Variants in PDE4D observed in about 807,000 individuals in gnomAD.
PDE4D encodes phosphodiesterase 4D.
PDE4D carries 24 observed loss-of-function variants against 87.4 expected under a neutral mutation model. The ratio of observed to expected loss-of-function variants is 0.27; its 90% CI spans 0.20 to 0.39. The LOEUF (loss-of-function observed/expected upper bound fraction) is 0.39. PDE4D is among the 10% of genes least tolerant of loss of function. The pLI is 1.00. For missense variants in PDE4D, 714 were observed against 1,041.0 expected (o/e 0.69, Z 4.32); for synonymous variants, 384 against 383.2 (o/e 1.00, Z -0.02).
At chr5:59,967,362 C>T (rs1023974908) in intron 3 of PDE4D, among the ~76,000 whole-genome samples, 9 of 152,124 alleles carry the variant, frequency 5.9e-5, no homozygotes, top group African/African-American at 1.7e-4. Flanking sequence ...GCAAACTATG[C>T]ATATGACAAT....
chr5:59,680,402 G>T (rs1748810968), intron 1 of PDE4D, among the ~76,000 whole-genome samples: 1 of 151,988 alleles, frequency 6.6e-6, no homozygotes, highest in African/African-American at 2.4e-5. Flanking sequence ...AGTCTTAAAT[G>T]GTGCTAGAGA....
At chr5:60,432,962 A>G (rs942956919) in intron 1 of PDE4D, among the ~76,000 whole-genome samples, 1 of 152,226 alleles carries the variant, frequency 6.6e-6, no homozygotes, top group African/African-American at 2.4e-5. Context: ...TGTAAAATGT[A>G]AAATTATAAA....
intron 1 of PDE4D, among the ~76,000 whole-genome samples, chr5:60,294,233 T>C (rs970232996): frequency 3.3e-5 from 5 of 152,234 alleles, no homozygotes; most frequent in African/African-American, 7.2e-5. Context: ...TATTTACTTT[T>C]GTAAAGTGTC....
intron 1 of PDE4D, among the ~76,000 whole-genome samples, chr5:60,264,362 A>G (rs1167951328): frequency 1.3e-5 from 2 of 152,240 alleles, no homozygotes; most frequent in African/African-American, 4.8e-5. Flanking sequence ...TTTGACTGCA[A>G]TACAAACAGA....
intron 2 of PDE4D, among the ~76,000 whole-genome samples, chr5:60,041,458 T>G (rs1241580236): frequency 6.6e-6 from 1 of 152,212 alleles, no homozygotes; most frequent in African/African-American, 2.4e-5. Flanking sequence ...TAATATGGTA[T>G]ACAGTTCTAA....
At chr5:59,406,005 C>A (rs1487753481) in intron 1 of PDE4D, among the ~76,000 whole-genome samples, 2 of 152,056 alleles carry the variant, frequency 1.3e-5, no homozygotes, top group East Asian at 3.9e-4. Flanking sequence ...TTGCAATGTG[C>A]CTTTGGTCTG....
intron 1 of PDE4D, among the ~76,000 whole-genome samples, chr5:59,469,342 C>T (rs959934371): frequency 3.8e-4 from 57 of 151,872 alleles, no homozygotes; most frequent in African/African-American, 1.4e-3. Flanking sequence ...AACAAACAAA[C>T]AAACAAACAA....
intron 1 of PDE4D, among the ~76,000 whole-genome samples, chr5:59,396,816 G>C (rs1368250703): frequency 1.7e-5 from 2 of 117,228 alleles, no homozygotes; most frequent in East Asian, 5.5e-4. Context: ...ACACCCATCA[G>C]TGTGCTGTAT....
intron 1 of PDE4D, among the ~76,000 whole-genome samples, chr5:59,559,617 T>C (rs1036300819): frequency 1.3e-5 from 2 of 152,086 alleles, no homozygotes; most frequent in Non-Finnish European, 2.9e-5. Flanking sequence ...ACCTATAACC[T>C]CAAAAGTCAG....
At chr5:59,259,049 T>C (rs937377443) in intron 1 of PDE4D, among the ~76,000 whole-genome samples, 1 of 151,906 alleles carries the variant, frequency 6.6e-6, no homozygotes, top group Non-Finnish European at 1.5e-5. Flanking sequence ...TGTCATATCA[T>C]ACACCATTTT....
chr5:59,757,935 C>T (rs1580921870), intron 1 of PDE4D, among the ~76,000 whole-genome samples: 1 of 152,296 alleles, frequency 6.6e-6, no homozygotes, highest in Middle Eastern at 3.4e-3. Context: ...ATACAAGCCA[C>T]ATGTGTAAAC....
intron 1 of PDE4D, among the ~76,000 whole-genome samples, chr5:59,253,597 TTTAACTC>T (rs1402828867): frequency 6.6e-6 from 1 of 152,176 alleles, no homozygotes; most frequent in African/African-American, 2.4e-5. Flanking sequence ...CAAAGGGACT[TTTAACTC>T]TAAGTAAAGT....
At chr5:59,249,717 T>C (rs1561809365) in intron 1 of PDE4D, among the ~76,000 whole-genome samples, 2 of 152,194 alleles carry the variant, frequency 1.3e-5, no homozygotes, top group Admixed American at 1.3e-4. Flanking sequence ...TAATTGCTAT[T>C]AGTATCATAC....
chr5:60,020,752 C>A (rs975317542), intron 2 of PDE4D, among the ~76,000 whole-genome samples: 1 of 152,140 alleles, frequency 6.6e-6, no homozygotes, highest in Non-Finnish European at 1.5e-5. Flanking sequence ...GAAGAATCAC[C>A]AAGCCAATAC....
intron 1 of PDE4D, among the ~76,000 whole-genome samples, chr5:59,891,175 A>G (rs1750901238): frequency 6.6e-6 from 1 of 152,254 alleles, no homozygotes; most frequent in Admixed American, 6.5e-5. Context: ...CAAATAGAAC[A>G]ATTAATCAAT....
At chr5:59,977,376 C>T (rs369214116) in intron 3 of PDE4D, among the ~76,000 whole-genome samples, 8 of 152,296 alleles carry the variant, frequency 5.3e-5, no homozygotes, top group African/African-American at 1.9e-4. Flanking sequence ...AAAGCCTAAT[C>T]CCAAACAAGG....
intron 1 of PDE4D, among the ~76,000 whole-genome samples, chr5:59,386,691 AAGGG>A (rs142788943): frequency 0.077 from 10,525 of 136,184 alleles, 559 homozygotes; most frequent in Non-Finnish European, 0.12. Flanking sequence ...GCGCAGGAGG[AAGGG>A]AGGGAGGGAG....
intron 1 of PDE4D, among the ~76,000 whole-genome samples, chr5:59,342,518 T>A: frequency 6.6e-6 from 1 of 152,150 alleles, no homozygotes; most frequent in East Asian, 1.9e-4. Context: ...ATTTCTCTCA[T>A]ATATAAATTG....
intron 1 of PDE4D, among the ~76,000 whole-genome samples, chr5:59,621,749 G>C (rs1830380044): frequency 6.6e-6 from 1 of 152,292 alleles, no homozygotes; most frequent in Non-Finnish European, 1.5e-5. Context: ...CCCTGGCAGT[G>C]AGGCATCCAA....
Sources: gnomAD v4.1 joint callset for allele counts (sites outside exome capture counted in the v4.1 genomes callset) on GRCh38, gnomAD v4.1.1 for gene constraint, MANE v1.5 for transcripts, NCBI Gene and HGNC (gene_info 2026-07-23, HGNC 2026-07-21) for gene names.